The following WWOX variants were observed in gnomAD, a reference collection of about 807,000 sequenced individuals.
WWOX encodes WW domain containing oxidoreductase.
In WWOX, 69 loss-of-function variants were observed where a neutral mutation model predicts 46.2. The ratio of observed to expected loss-of-function variants is 1.49; its 90% CI spans 1.23 to 1.82. WWOX has a LOEUF of 1.82. Among genes scored for constraint, WWOX ranks in the 40% most tolerant of loss-of-function variants. WWOX has a pLI of 0.00. For missense variants in WWOX, 919 were observed against 542.6 expected, an observed-to-expected ratio of 1.69 and a Z score of -6.89; for synonymous variants, 359 against 202.6, an observed-to-expected ratio of 1.77 and a Z score of -6.56.
At chr16:79,166,575 T>A (rs1255848945) in intron 8 of WWOX, among the ~76,000 whole-genome samples, 1 of 152,204 alleles carries the variant, frequency 6.6e-6, no homozygotes, top group Non-Finnish European at 1.5e-5. Flanking sequence ...AACAATTGAA[T>A]TGACTATGTC....
chr16:78,565,408 C>A (rs190463607), intron 8 of WWOX, among the ~76,000 whole-genome samples: 97 of 152,302 alleles, frequency 6.4e-4, no homozygotes, highest in African/African-American at 2.3e-3. Context: ...TCCTGCATTC[C>A]TTGGCTCTTG....
At chr16:78,775,611 C>A (rs2050170669) in intron 8 of WWOX, among the ~76,000 whole-genome samples, 1 of 152,350 alleles carries the variant, frequency 6.6e-6, no homozygotes, top group African/African-American at 2.4e-5. Flanking sequence ...CTCCCCACAA[C>A]TTCACCCTGC....
intron 8 of WWOX, among the ~76,000 whole-genome samples, chr16:78,801,225 T>C (rs112463288): frequency 0.035 from 5,401 of 152,186 alleles, 118 homozygotes; most frequent in Non-Finnish European, 0.051. Flanking sequence ...CTCACCATTT[T>C]TGTGGTGGGC....
Position 79,212,243 on chromosome 16 carries a change from G to GATCCAGGAGATAATTGT in WWOX, c.*448_*464dup. On this transcript the variant is annotated 3_prime_UTR_variant, in exon 9 of 9. Transcript: ENST00000566780. ...AGTGTTCACTGCTCCTTGCTGCATT[G>GATCCAGGAGATAATTGT]ATCCAGGAGATAATTGTTTCATTCA... 1 of 1,339,436 alleles carries GATCCAGGAGATAATTGT rather than the reference G, an allele frequency of 7.5e-7. No homozygotes were observed. Among genetic ancestry groups the GATCCAGGAGATAATTGT allele is most frequent in the Non-Finnish European group, 9.9e-7 (1 of 1,013,292 alleles). 83.0% of individuals were successfully genotyped at this position (1,339,436 alleles called of 1,614,324 possible).
intron 8 of WWOX, among the ~76,000 whole-genome samples, chr16:79,107,812 A>G (rs115864521): frequency 6.6e-6 from 1 of 152,206 alleles, no homozygotes; most frequent in East Asian, 1.9e-4. Flanking sequence ...CAAAATTATA[A>G]TCACAAATTA....
intron 3 of WWOX, among the ~76,000 whole-genome samples, chr16:78,113,507 G>C (rs371584279): frequency 3.9e-5 from 6 of 152,158 alleles, no homozygotes; most frequent in South Asian, 2.1e-4. Context: ...GCCAGCTCCT[G>C]GTCTAATCTA....
intron 8 of WWOX, chr16:78,996,384 C>CCCCCG: frequency 2.5e-6 from 2 of 787,448 alleles, no homozygotes; most frequent in Non-Finnish European, 3.0e-6. Context: ...CCACCCCCGC[C>CCCCCG]CCCCAGCTTC....
intron 8 of WWOX, among the ~76,000 whole-genome samples, chr16:79,131,221 C>A (rs140865619): frequency 1.3e-5 from 2 of 152,130 alleles, no homozygotes; most frequent in African/African-American, 4.8e-5. Context: ...TGGTCTCTCC[C>A]TTCCTCCAGG....
At chr16:78,488,198 GT>G (rs2084687049) in intron 8 of WWOX, among the ~76,000 whole-genome samples, 1 of 152,190 alleles carries the variant, frequency 6.6e-6, no homozygotes, top group Non-Finnish European at 1.5e-5. Flanking sequence ...ATGGGTCTTT[GT>G]TTAGAGGAAG....
rs572890748 is a variant in WWOX at position 79,161,159 on chromosome 16, AG to A, written c.1057-50447del. On this transcript the variant is annotated intron_variant, in intron 8 of 8. Coordinates refer to ENST00000566780, the MANE Select transcript of WWOX (RefSeq NM_016373.4). ...ATAAGGCAATTCTGGACTCACTTCCAGGATAGAAGGCAAAGACAAGTACCAA... is the reference window on the plus strand; with the variant it reads ...ATAAGGCAATTCTGGACTCACTTCCAGATAGAAGGCAAAGACAAGTACCAA... 1.4e-3 allele frequency among the ~76,000 whole-genome samples: 212 copies of A among 152,348 alleles called. 2 individuals carry two copies. Among genetic ancestry groups the A allele is most frequent in the African/African-American group, 2.7e-3 (113 of 41,572 alleles).
At chr16:78,750,763 C>T (rs1464810021) in intron 8 of WWOX, among the ~76,000 whole-genome samples, 1 of 152,138 alleles carries the variant, frequency 6.6e-6, no homozygotes, top group Admixed American at 6.5e-5. Context: ...TCTGTTTCTG[C>T]ATTTATTCGC....
At chr16:78,826,192 T>C (rs1287119106) in intron 8 of WWOX, among the ~76,000 whole-genome samples, 1 of 152,146 alleles carries the variant, frequency 6.6e-6, no homozygotes, top group Non-Finnish European at 1.5e-5. Context: ...CTGTCTCTAC[T>C]AAAAATACAA....
intron 8 of WWOX, among the ~76,000 whole-genome samples, chr16:78,825,116 G>A (rs954126476): frequency 6.6e-6 from 1 of 152,096 alleles, no homozygotes; most frequent in Non-Finnish European, 1.5e-5. Context: ...CACTCGGGGA[G>A]GTCAAGTGAG....
intron 8 of WWOX, among the ~76,000 whole-genome samples, chr16:79,147,851 C>T (rs191322271): frequency 2.7e-3 from 404 of 152,134 alleles, no homozygotes; most frequent in Middle Eastern, 3.4e-3. Flanking sequence ...AACATATTTT[C>T]ATTTGTTTGT....
intron 8 of WWOX, among the ~76,000 whole-genome samples, chr16:78,622,312 G>C (rs905084784): frequency 1.3e-5 from 2 of 152,028 alleles, no homozygotes; most frequent in African/African-American, 4.8e-5. Context: ...GGACGCCGAG[G>C]CAGGCAGATC....
At chr16:78,801,167 C>G (rs145337161) in intron 8 of WWOX, among the ~76,000 whole-genome samples, 3 of 151,922 alleles carry the variant, frequency 2.0e-5, no homozygotes, top group Non-Finnish European at 2.9e-5. Context: ...TCAAGTGATA[C>G]TCATCTCAAG....
chr16:78,491,734 T>G (rs909064554), intron 8 of WWOX, among the ~76,000 whole-genome samples: 1 of 152,210 alleles, frequency 6.6e-6, no homozygotes, highest in Non-Finnish European at 1.5e-5. Flanking sequence ...AACTGGAGTT[T>G]ATTTGTAAGC....
chr16:78,894,035 A>ATTATTATTATT (rs2044648591), intron 8 of WWOX, among the ~76,000 whole-genome samples: 1 of 146,048 alleles, frequency 6.8e-6, no homozygotes, highest in East Asian at 2.0e-4. Context: ...TATTATTATT[A>ATTATTATTATT]TTATTATTAT....
At chr16:79,146,165 T>C (rs2050179409) in intron 8 of WWOX, among the ~76,000 whole-genome samples, 1 of 152,228 alleles carries the variant, frequency 6.6e-6, no homozygotes, top group African/African-American at 2.4e-5. Flanking sequence ...AGTAGGCTTA[T>C]AATTTAGTCA....
Sources: gnomAD v4.1 joint callset for allele counts (sites outside exome capture counted in the v4.1 genomes callset) on GRCh38, gnomAD v4.1.1 for gene constraint, MANE v1.5 for transcripts, NCBI Gene and HGNC (gene_info 2026-07-23, HGNC 2026-07-21) for gene names.